GARNL3: variants seen among roughly 807,000 people sequenced by gnomAD.
GARNL3 encodes the protein GTPase activating Rap/RanGAP domain like 3.
A neutral mutation model predicts 125.0 loss-of-function variants in GARNL3; 63 were observed. The observed-to-expected ratio is 0.50, with a 90% CI of 0.41 to 0.62. GARNL3 has a LOEUF of 0.62. GARNL3 is among the 20% of genes least tolerant of loss of function. The pLI is 0.00. For missense variants in GARNL3, 994 were observed against 1,244.0 expected (o/e 0.80, Z 3.02); for synonymous variants, 439 against 457.5 (o/e 0.96, Z 0.52).
intron 22 of GARNL3, among the ~76,000 whole-genome samples, chr9:127,376,116 C>T (rs894606432): frequency 3.3e-5 from 5 of 152,262 alleles, no homozygotes; most frequent in African/African-American, 7.2e-5. Context: ...CACACCACCA[C>T]GCCCAGCTAA....
chr9:127,226,280 C>G (rs777824665), intron 1 of GARNL3, among the ~76,000 whole-genome samples: 4 of 152,214 alleles, frequency 2.6e-5, no homozygotes, highest in African/African-American at 4.8e-5. Context: ...GGTTCCATTG[C>G]TAGGATAAAA....
chr9:127,350,016 C>T (rs1305143679), intron 17 of GARNL3, among the ~76,000 whole-genome samples: 5 of 152,294 alleles, frequency 3.3e-5, no homozygotes, highest in East Asian at 3.9e-4. Flanking sequence ...CGGGGCCCCA[C>T]GCCAGGTGCC....
Position 127,339,742 on chromosome 9 carries a change from C to G in GARNL3, c.1126C>G (p.Leu376Val). ...TDHQEFRDFLLVKLINGEKAT... is the reference protein window; with the variant it reads ...TDHQEFRDFLVVKLINGEKAT... ...CCACCAGGAATTCAGGGACTTTTTGCTAGTGAAATGTAAGTTTCTGTTTTG... is the reference window on the plus strand; with the variant it reads ...CCACCAGGAATTCAGGGACTTTTTGGTAGTGAAATGTAAGTTTCTGTTTTG... Residue 376 changes from leucine (L) to valine (V), a missense_variant, in exon 13 of 28, where the codon CTA becomes GTA. Physicochemically the swap from Leu to Val is conservative, Grantham distance 32. Transcript: ENST00000373387. 6.2e-7 allele frequency: 1 copy of G among 1,607,302 alleles called. No individual in the cohort carries two copies. Among genetic ancestry groups the G allele is most frequent in the Non-Finnish European group, 8.5e-7 (1 of 1,173,756 alleles).
intron 22 of GARNL3, chr9:127,367,422 C>T (rs1006753873): frequency 6.6e-6 from 1 of 151,930 alleles, no homozygotes; most frequent in African/African-American, 2.4e-5. Flanking sequence ...ATTTTTATCT[C>T]AGATATGTTA....
intron 13 of GARNL3, among the ~76,000 whole-genome samples, chr9:127,341,880 T>C (rs1829878671): frequency 6.6e-6 from 1 of 151,996 alleles, no homozygotes; most frequent in African/African-American, 2.4e-5. Flanking sequence ...AGATGGAGTG[T>C]GGGGCCAGGA....
chr9:127,283,733 G>A (rs990244784), intron 1 of GARNL3, among the ~76,000 whole-genome samples: 2 of 152,178 alleles, frequency 1.3e-5, no homozygotes, highest in African/African-American at 4.8e-5. Flanking sequence ...ATTGGACAGT[G>A]CAAGAACTCA....
intron 1 of GARNL3, among the ~76,000 whole-genome samples, chr9:127,269,632 C>T (rs2063774595): frequency 6.6e-6 from 1 of 152,154 alleles, no homozygotes; most frequent in African/African-American, 2.4e-5. Context: ...AGTGGTATCT[C>T]ATTGTGGCTT....
intron 3 of GARNL3, 116 bp downstream of exon 3, chr9:127,311,851 C>G: frequency 1.5e-6 from 1 of 654,638 alleles, no homozygotes; most frequent in East Asian, 2.8e-5. Context: ...ACACTAACAT[C>G]AGGGCATTTC....
At chr9:127,300,044 T>C in intron 2 of GARNL3, 1 of 289,070 alleles carries the variant, frequency 3.5e-6, no homozygotes, top group Non-Finnish European at 6.9e-6. Context: ...CCTTTGGCCA[T>C]ATCGAGATTA....
chr9:127,372,056 C>G (rs1463495738), intron 22 of GARNL3, among the ~76,000 whole-genome samples: 1 of 152,182 alleles, frequency 6.6e-6, no homozygotes, highest in African/African-American at 2.4e-5. Context: ...CGTCAGCCTC[C>G]CGAGTAGCTG....
Position 127,383,522 on chromosome 9 carries a change from G to A in GARNL3, c.2246G>A (p.Trp749Ter). ...QPSASDFQFC[W>*]NQAPYAIVCA... ...TCTGCGTCAGATTTCCAGTTCTGTTGGAACCAGGCTCCCTATGCAATTGGT... is the reference window on the plus strand; with the variant it reads ...TCTGCGTCAGATTTCCAGTTCTGTTAGAACCAGGCTCCCTATGCAATTGGT... Residue 749 changes from tryptophan to a stop codon, truncating the protein, a stop_gained, in exon 23 of 28, where the codon TGG becomes TAG. Transcript: ENST00000373387. LOFTEE classifies it high-confidence loss of function. The A allele has an allele frequency of 6.2e-7, 1 of 1,612,962 alleles. No individual in the cohort carries two copies. The highest frequency in any genetic ancestry group is 8.5e-7 in the Non-Finnish European group (1 of 1,179,414).
At position 127,344,304 on chromosome 9, in the gene GARNL3, G is replaced by A; in HGVS notation, c.1321G>A (p.Glu441Lys). 6.2e-7 allele frequency: 1 copy of A among 1,614,084 alleles called. No homozygotes were observed. Among genetic ancestry groups the A allele is most frequent in the Non-Finnish European group, 8.5e-7 (1 of 1,179,906 alleles). The change falls in exon 15 of 28, where the codon GAG (glutamate) becomes AAG (lysine). Residue 441 changes from glutamate (E) to lysine (K), a missense_variant. By Grantham distance (56) the Glu-to-Lys change is moderately conservative (BLOSUM62 1). This residue lies in a region of GARNL3 where 728 missense variants were observed against 865.7 expected (regional missense o/e 0.84). Transcript: ENST00000373387. The stretch of plus-strand genomic sequence containing the variant: ...ACCCAAGTCAGCGCGGAAGAAAGAG[G>A]AGGCCCGCCAGGCGGAGTTTGTTAG... ...ESPKSARKKE[E>K]ARQAEFVRIG...
intron 1 of GARNL3, among the ~76,000 whole-genome samples, chr9:127,273,379 C>T (rs886334177): frequency 6.6e-5 from 10 of 152,306 alleles, no homozygotes; most frequent in African/African-American, 2.2e-4. Context: ...TAATCAAAAG[C>T]ATAAAGTAGC....
At chr9:127,379,203 G>A (rs1419451433) in intron 22 of GARNL3, among the ~76,000 whole-genome samples, 1 of 152,220 alleles carries the variant, frequency 6.6e-6, no homozygotes, top group Non-Finnish European at 1.5e-5. Flanking sequence ...GCTTTACTTG[G>A]CTCATTCCAA....
chr9:127,255,585 G>A (rs1256316416), intron 2 of GARNL3, among the ~76,000 whole-genome samples: 1 of 152,112 alleles, frequency 6.6e-6, no homozygotes, highest in African/African-American at 2.4e-5. Flanking sequence ...TATCTGTAAT[G>A]TTCATTATAT....
intron 18 of GARNL3, 128 bp from the exon 19 acceptor site, chr9:127,354,166 T>G (rs1830558505): frequency 9.7e-6 from 7 of 724,004 alleles, no homozygotes; most frequent in Non-Finnish European, 1.4e-5. Flanking sequence ...GTTAAAGTGG[T>G]GTGGGGTGCC....
intron 1 of GARNL3, among the ~76,000 whole-genome samples, chr9:127,225,038 C>A (rs1337216767): frequency 1.6e-5 from 1 of 60,654 alleles, no homozygotes; most frequent in East Asian, 5.0e-4. Flanking sequence ...GGGCGCGGGG[C>A]GGGGCCGGGA....
chr9:127,381,120 G>A (rs1000069838), intron 22 of GARNL3, among the ~76,000 whole-genome samples: 4 of 114,916 alleles, frequency 3.5e-5, no homozygotes, highest in East Asian at 5.6e-4. Context: ...CTCGTGATCC[G>A]CCCACCTCGG....
At chr9:127,278,167 A>C (rs1441754616) in intron 1 of GARNL3, among the ~76,000 whole-genome samples, 1 of 152,252 alleles carries the variant, frequency 6.6e-6, no homozygotes, top group Non-Finnish European at 1.5e-5. Context: ...AAAATTTGAA[A>C]TATACTGAAA....
Sources: allele counts gnomAD v4.1 joint callset (sites outside exome capture counted in the v4.1 genomes callset), GRCh38; gene constraint gnomAD v4.1.1; regional missense constraint gnomAD v4.1.1; transcripts MANE v1.5; gene names NCBI Gene and HGNC (gene_info 2026-07-23, HGNC 2026-07-21).